The following RNF13 variants were observed in gnomAD, a reference collection of about 807,000 sequenced individuals.
RNF13 encodes E3 ubiquitin-protein ligase RNF13.
A neutral mutation model predicts 37.7 loss-of-function variants in RNF13; 19 were observed. The observed-to-expected ratio is 0.50, with a 90% CI of 0.35 to 0.74. The LOEUF (loss-of-function observed/expected upper bound fraction) is 0.74. Ranked by LOEUF, RNF13 falls within the 30% of genes least tolerant of loss-of-function variation. The probability of loss-of-function intolerance (pLI) is 0.01; values close to 1 mark genes in which losing one functional copy is unlikely to be tolerated. For synonymous variants in RNF13, 144 were observed against 157.8 expected (o/e 0.91, Z 0.65); for missense variants, 375 against 453.0 (o/e 0.83, Z 1.56).
chr3:149,948,923 G>A (rs1322784784), intron 8 of RNF13, among the ~76,000 whole-genome samples: 1 of 152,102 alleles, frequency 6.6e-6, no homozygotes, highest in Non-Finnish European at 1.5e-5. Context: ...AACTACTTGG[G>A]GGACTGAGGC....
intron 6 of RNF13, among the ~76,000 whole-genome samples, chr3:149,905,650 C>T (rs1716310022): frequency 6.6e-6 from 1 of 151,496 alleles, no homozygotes; most frequent in Non-Finnish European, 1.5e-5. Flanking sequence ...AGGAATTCAC[C>T]CACATTTATA....
At chr3:149,817,514 T>C (rs1354066760) in intron 1 of RNF13, among the ~76,000 whole-genome samples, 1 of 152,198 alleles carries the variant, frequency 6.6e-6, no homozygotes, top group African/African-American at 2.4e-5. Context: ...AGATTTGTTA[T>C]TTTTATTATC....
Position 149,946,037 on chromosome 3 carries a change from C to T in RNF13, c.701-14019C>T, listed in dbSNP as rs1408276480. On this transcript the variant is annotated intron_variant, in intron 8 of 9. Transcript: ENST00000392894. ...CTCCCCCTCCAAAGGAATGCAGCTC[C>T]TCACCAGCAACGGAACAAAGCTGGA... Among the ~76,000 whole-genome samples the T allele has an allele frequency of 2.0e-5, 3 of 152,330 alleles. No individual in the cohort carries two copies. The East Asian group carries it at 5.8e-4, about 29-fold the overall frequency.
intron 7 of RNF13, among the ~76,000 whole-genome samples, chr3:149,920,714 A>T (rs1375837870): frequency 2.0e-5 from 3 of 149,154 alleles, no homozygotes; most frequent in African/African-American, 7.4e-5. Context: ...TCTGCCTGTT[A>T]TTCTGTAGTA....
At chr3:149,960,193 C>T (rs1378679091) in intron 9 of RNF13, 57 bp downstream of exon 9, 7 of 1,192,562 alleles carry the variant, frequency 5.9e-6, no homozygotes, top group Non-Finnish European at 7.5e-6. Flanking sequence ...ATTTAGGTTC[C>T]ATATTCCAGG....
chr3:149,874,512 T>G (rs916316672), intron 4 of RNF13, among the ~76,000 whole-genome samples: 6 of 152,146 alleles, frequency 3.9e-5, no homozygotes, highest in African/African-American at 1.4e-4. Context: ...AACAGCACCT[T>G]GCACACAGGA....
At chr3:149,957,952 A>G (rs2108616292) in intron 8 of RNF13, among the ~76,000 whole-genome samples, 1 of 152,318 alleles carries the variant, frequency 6.6e-6, no homozygotes, top group South Asian at 2.1e-4. Flanking sequence ...ACTAAGCTCC[A>G]GTTTGGTCCA....
chr3:149,836,282 A>G (rs1348189328), intron 1 of RNF13, among the ~76,000 whole-genome samples: 2 of 152,180 alleles, frequency 1.3e-5, no homozygotes, highest in Non-Finnish European at 2.9e-5. Flanking sequence ...TAAAAAATGA[A>G]CATAGGAGCT....
At chr3:149,866,051 T>C (rs1380854439) in intron 3 of RNF13, among the ~76,000 whole-genome samples, 1 of 152,140 alleles carries the variant, frequency 6.6e-6, no homozygotes, top group Non-Finnish European at 1.5e-5. Flanking sequence ...GCCTTCCCTT[T>C]TTAGACCATA....
intron 1 of RNF13, among the ~76,000 whole-genome samples, chr3:149,835,419 C>G (rs1384989343): frequency 6.6e-6 from 1 of 152,010 alleles, no homozygotes; most frequent in Non-Finnish European, 1.5e-5. Flanking sequence ...TACACCTTCA[C>G]CCCCTCCTAC....
chr3:149,850,788 C>T (rs1158964497), intron 2 of RNF13, among the ~76,000 whole-genome samples: 1 of 152,166 alleles, frequency 6.6e-6, no homozygotes, highest in East Asian at 1.9e-4. Context: ...TCAAGTTCAA[C>T]ATTAACCTGA....
At chr3:149,926,956 A>T (rs1237238255) in intron 8 of RNF13, among the ~76,000 whole-genome samples, 1 of 151,974 alleles carries the variant, frequency 6.6e-6, no homozygotes, top group Non-Finnish European at 1.5e-5. Flanking sequence ...TGTCAAGGCC[A>T]CCCCACCTCC....
At position 149,864,178 on chromosome 3, in the gene RNF13, C is replaced by G. The variant is rs148285798; in HGVS notation, c.196-7851C>G. On this transcript the variant is annotated intron_variant, in intron 3 of 9. Coordinates refer to ENST00000392894, the MANE Select transcript of RNF13 (RefSeq NM_183381.3). ...ATGTTTGGGTCAGGGAAGTGGATCCCTCATGAATGGCTTGGTGACTTCTGC... is the reference window on the plus strand; with the variant it reads ...ATGTTTGGGTCAGGGAAGTGGATCCGTCATGAATGGCTTGGTGACTTCTGC... 2.2e-4 allele frequency among the ~76,000 whole-genome samples: 33 copies of G among 151,902 alleles called. No individual in the cohort carries two copies. In the East Asian group the frequency reaches 6.4e-3, roughly 29 times the overall value.
At chr3:149,912,496 G>A (rs1717093993) in intron 7 of RNF13, among the ~76,000 whole-genome samples, 1 of 152,096 alleles carries the variant, frequency 6.6e-6, no homozygotes, top group Non-Finnish European at 1.5e-5. Flanking sequence ...TGACATGCAT[G>A]CCAAAGTATT....
At chr3:149,845,158 G>A (rs1722526754) in intron 1 of RNF13, among the ~76,000 whole-genome samples, 1 of 152,006 alleles carries the variant, frequency 6.6e-6, no homozygotes, top group African/African-American at 2.4e-5. Context: ...AGTCTATATG[G>A]CAGCTTCTAT....
At chr3:149,823,620 C>T (rs1180344118) in intron 1 of RNF13, among the ~76,000 whole-genome samples, 1 of 152,072 alleles carries the variant, frequency 6.6e-6, no homozygotes, top group East Asian at 1.9e-4. Context: ...CAATGTTGTA[C>T]AGCAAGAAAA....
At chr3:149,927,099 T>A (rs1488510211) in intron 8 of RNF13, among the ~76,000 whole-genome samples, 1 of 152,210 alleles carries the variant, frequency 6.6e-6, no homozygotes, top group East Asian at 1.9e-4. Flanking sequence ...CAGACTTCTT[T>A]ATCTTCCCAA....
rs1339397616 is a variant in RNF13 at position 149,961,261 on chromosome 3, T to TTATC, written c.*159_*162dup. ...TGAAACAGGACTTTTGATCTGGTAT[T>TTATC]TATCTGCCAAGAATATACTTCATTC... On this transcript the variant is annotated 3_prime_UTR_variant, in exon 10 of 10. Transcript: ENST00000392894. 1 of 697,128 alleles carries TTATC rather than the reference T, an allele frequency of 1.4e-6. No individual in the cohort carries two copies. Among genetic ancestry groups the TTATC allele is most frequent in the African/African-American group, 1.8e-5 (1 of 55,484 alleles). The allele number at this position is 697,128 out of a possible 1,614,324, so 43.2% of individuals were successfully genotyped here. A position where few individuals can be genotyped will look rare whatever the true frequency, so the allele number is the denominator to read the frequency against.
At chr3:149,823,130 G>T (rs562695533) in intron 1 of RNF13, among the ~76,000 whole-genome samples, 2 of 152,188 alleles carry the variant, frequency 1.3e-5, no homozygotes, top group South Asian at 4.1e-4. Context: ...TACTGGGCAA[G>T]TAACTGAACA....
Sources: gnomAD v4.1 joint callset for allele counts (sites outside exome capture counted in the v4.1 genomes callset) on GRCh38, gnomAD v4.1.1 for gene constraint, MANE v1.5 for transcripts, NCBI Gene and HGNC (gene_info 2026-07-23, HGNC 2026-07-21) for gene names.